Variants in PLCB4 observed in about 807,000 individuals in gnomAD.
The protein encoded by PLCB4 is 1-phosphatidylinositol 4,5-bisphosphate phosphodiesterase beta-4.
In PLCB4, 77 loss-of-function variants were observed where a neutral mutation model predicts 178.8. The ratio of observed to expected loss-of-function variants is 0.43; its 90% CI spans 0.36 to 0.52. The LOEUF is 0.52. Among genes scored for constraint, PLCB4 ranks in the 20% least tolerant of loss-of-function variants. The probability of loss-of-function intolerance (pLI) is 0.00; values close to 1 mark genes in which losing one functional copy is unlikely to be tolerated. For missense variants in PLCB4, 1,024 were observed against 1,453.4 expected (o/e 0.70, Z 4.80); for synonymous variants, 496 against 490.8 (o/e 1.01, Z -0.14).
At chr20:9,461,626 G>T (rs1255484887) in intron 35 of PLCB4, among the ~76,000 whole-genome samples, 5 of 152,254 alleles carry the variant, frequency 3.3e-5, no homozygotes, top group Admixed American at 6.5e-5. Flanking sequence ...GGCTTGGCAG[G>T]TTCCACGCCC....
chr20:9,279,460 A>G (rs2094475995), intron 3 of PLCB4, among the ~76,000 whole-genome samples: 1 of 152,036 alleles, frequency 6.6e-6, no homozygotes. Context: ...TGAGCCAGAC[A>G]TCAAAGGACA....
At chr20:9,464,158 A>G (rs1363005207) in intron 35 of PLCB4, among the ~76,000 whole-genome samples, 1 of 152,242 alleles carries the variant, frequency 6.6e-6, no homozygotes, top group Non-Finnish European at 1.5e-5. Flanking sequence ...TGGAAACAGA[A>G]CAACCTGCTC....
chr20:9,200,657 C>G (rs1055903086), intron 2 of PLCB4, among the ~76,000 whole-genome samples: 6 of 152,150 alleles, frequency 3.9e-5, no homozygotes, highest in Non-Finnish European at 5.9e-5. Flanking sequence ...TGTTTTCCAG[C>G]TACGTTGGTC....
chr20:9,072,274 T>G (rs2089613122), intron 1 of PLCB4, among the ~76,000 whole-genome samples: 1 of 152,186 alleles, frequency 6.6e-6, no homozygotes, highest in African/African-American at 2.4e-5. Context: ...TTCCCTCTCA[T>G]ATTGGGAAAA....
Position 9,444,018 on chromosome 20 carries a change from A to G in PLCB4, c.2802A>G (p.Leu934=), listed in dbSNP as rs1401751246. The change falls in exon 31 of 40, where the codon TTA becomes TTG. Residue 934 remains leucine (L), a synonymous_variant. Transcript: ENST00000378473. ...TCCCTCAAGTAAGGATAGAAGACTT[A>G]AAGCAGATGAAGGTAAAATTGCTTG... ...ELIPQVRIED[L]KQMKAYLKHL... 6.2e-7 allele frequency: 1 copy of G among 1,601,908 alleles called. No individual in the cohort carries two copies. The highest frequency in any genetic ancestry group is 2.2e-5 in the East Asian group (1 of 44,700).
chr20:9,118,995 A>G (rs1439771165), intron 2 of PLCB4, among the ~76,000 whole-genome samples: 1 of 152,216 alleles, frequency 6.6e-6, no homozygotes, highest in Non-Finnish European at 1.5e-5. Context: ...GTTGATAAGA[A>G]CTTGATGCCT....
intron 3 of PLCB4, among the ~76,000 whole-genome samples, chr20:9,278,048 A>G (rs1011969914): frequency 3.9e-5 from 6 of 152,034 alleles, no homozygotes; most frequent in African/African-American, 1.4e-4. Context: ...CCCAGAGTGA[A>G]TGTTTTCATG....
chr20:9,192,108 A>G (rs1568926086), intron 2 of PLCB4, among the ~76,000 whole-genome samples: 1 of 152,144 alleles, frequency 6.6e-6, no homozygotes, highest in Non-Finnish European at 1.5e-5. Flanking sequence ...GTGTATTTAA[A>G]CAGTGGGACT....
chr20:9,251,413 T>C (rs926084275), intron 3 of PLCB4, among the ~76,000 whole-genome samples: 8 of 152,210 alleles, frequency 5.3e-5, no homozygotes, highest in African/African-American at 1.4e-4. Flanking sequence ...TAAAAAGCAC[T>C]GATTTTAACC....
chr20:9,375,848 C>T (rs578224133), intron 12 of PLCB4, among the ~76,000 whole-genome samples: 2 of 152,188 alleles, frequency 1.3e-5, no homozygotes, highest in Admixed American at 1.3e-4. Flanking sequence ...CCTGGAGACA[C>T]ACATACACTG....
rs561564477 is a variant in PLCB4, at chr20:9,186,843, A to G, written c.-78-30547A>G. Reference sequence around the variant, plus strand: ...CTCCTGAAGGTACAGGAAACCCCCAATGAAACCATCAGTTCTGCCTCTGAT... The same window carrying G: ...CTCCTGAAGGTACAGGAAACCCCCAGTGAAACCATCAGTTCTGCCTCTGAT... On this transcript the variant is annotated intron_variant, in intron 2 of 39. Transcript: ENST00000378473. Among the ~76,000 whole-genome samples, 19 of 152,226 alleles carry G rather than the reference A, an allele frequency of 1.2e-4. No individual in the cohort carries two copies. The South Asian group carries it at 2.7e-3, about 22-fold the overall frequency.
chr20:9,183,309 T>G (rs1385623227), intron 2 of PLCB4, among the ~76,000 whole-genome samples: 3 of 152,014 alleles, frequency 2.0e-5, no homozygotes, highest in Non-Finnish European at 4.4e-5. Flanking sequence ...ACGGCCACAT[T>G]TCCCTCCCTC....
chr20:9,474,917 A>G (rs970156847), intron 38 of PLCB4, among the ~76,000 whole-genome samples: 1 of 152,210 alleles, frequency 6.6e-6, no homozygotes, highest in Non-Finnish European at 1.5e-5. Flanking sequence ...TGACCAACTC[A>G]TAAACACATC....
rs1171365954 is a variant in PLCB4 at position 9,173,874 on chromosome 20, G to A, written c.-78-43516G>A. Among the ~76,000 whole-genome samples, 4 of 152,172 alleles carry A rather than the reference G, an allele frequency of 2.6e-5. No homozygotes were observed. In the East Asian group the frequency reaches 7.7e-4, roughly 29 times the overall value. On this transcript the variant is annotated intron_variant, in intron 2 of 39. Coordinates refer to ENST00000378473, the MANE Select transcript of PLCB4 (RefSeq NM_001377142.1). ...ATTCACTTCCCCACTTCCACCTTCA[G>A]GGAAGCATCTAATTCCTTCAGGCTG...
At chr20:9,105,426 G>A (rs548296828) in intron 2 of PLCB4, among the ~76,000 whole-genome samples, 36 of 152,120 alleles carry the variant, frequency 2.4e-4, no homozygotes, top group African/African-American at 7.0e-4. Flanking sequence ...TTCATTTGAA[G>A]TGTACACTCA....
At chr20:9,342,384 G>A (rs760048037) in intron 7 of PLCB4, among the ~76,000 whole-genome samples, 10 of 152,174 alleles carry the variant, frequency 6.6e-5, no homozygotes, top group Non-Finnish European at 1.2e-4. Context: ...CTACTCAAAC[G>A]TGAGTATAGC....
intron 2 of PLCB4, among the ~76,000 whole-genome samples, chr20:9,184,913 C>T (rs888458462): frequency 2.0e-5 from 3 of 152,164 alleles, no homozygotes; most frequent in African/African-American, 7.2e-5. Context: ...AGTTTACTAC[C>T]TATTTATGTA....
At chr20:9,166,839 T>C (rs2147011461) in intron 2 of PLCB4, 1 of 152,286 alleles carries the variant, frequency 6.6e-6, no homozygotes, top group African/African-American at 2.4e-5. Flanking sequence ...TAAGCAGATA[T>C]AGCTGTATTT....
chr20:9,311,424 C>T (rs2094832179), intron 4 of PLCB4, among the ~76,000 whole-genome samples: 2 of 152,140 alleles, frequency 1.3e-5, no homozygotes, highest in Non-Finnish European at 2.9e-5. Flanking sequence ...ACCAAGACAA[C>T]TTTAAGATTA....
Sources: gnomAD v4.1 joint callset for allele counts (sites outside exome capture counted in the v4.1 genomes callset) on GRCh38, gnomAD v4.1.1 for gene constraint, MANE v1.5 for transcripts, NCBI Gene and HGNC (gene_info 2026-07-23, HGNC 2026-07-21) for gene names.